Variants in NAV3 observed in about 807,000 individuals in gnomAD.
The protein encoded by NAV3 is pore membrane and/or filament interacting like protein 1.
NAV3 carries 87 observed loss-of-function variants against 244.7 expected under a neutral mutation model. That is an observed-to-expected ratio of 0.36 (90% CI 0.30 to 0.42). The LOEUF (loss-of-function observed/expected upper bound fraction) is 0.42. Ranked by LOEUF, NAV3 falls within the 20% of genes least tolerant of loss-of-function variation. The probability of loss-of-function intolerance (pLI) is 1.00; values close to 1 mark genes in which losing one functional copy is unlikely to be tolerated. For missense variants in NAV3, 2,663 were observed against 2,893.3 expected (o/e 0.92, Z 1.83); for synonymous variants, 1,126 against 1,042.2 (o/e 1.08, Z -1.55).
chr12:77,940,406 G>C lies in NAV3; in HGVS notation c.331G>C (p.Val111Leu), dbSNP rs2137471318. The change falls in exon 2 of 40, where the codon GTA (valine) becomes CTA (leucine). Residue 111 changes from valine (V) to leucine (L), a missense_variant. Physicochemically the swap from Val to Leu is conservative, Grantham distance 32 (BLOSUM62 1). Transcript: ENST00000397909. Reference protein sequence around the residue: ...KDLQQDIADGVLLAEIIQIIA... With the variant: ...KDLQQDIADGLLLAEIIQIIA... ...CTTGCAACAAGACATTGCAGATGGAGTACTCCTAGCAGAAATCATCCAGAT... is the reference window on the plus strand; with the variant it reads ...CTTGCAACAAGACATTGCAGATGGACTACTCCTAGCAGAAATCATCCAGAT... 6.2e-7 allele frequency: 1 copy of C among 1,613,632 alleles called. No individual in the cohort carries two copies. The highest frequency in any genetic ancestry group is 1.3e-5 in the African/African-American group (1 of 75,030).
At chr12:77,851,938 A>G (rs1877595973) in intron 1 of NAV3, among the ~76,000 whole-genome samples, 2 of 152,270 alleles carry the variant, frequency 1.3e-5, no homozygotes, top group Admixed American at 6.5e-5. Flanking sequence ...CGTTATCTTC[A>G]CTTTTTAGAT....
chr12:77,685,310 G>T (rs1874670738), intron 2 of NAV3, among the ~76,000 whole-genome samples: 2 of 152,128 alleles, frequency 1.3e-5, no homozygotes. Flanking sequence ...TTTGTGCAGT[G>T]AAACAAGTTT....
At chr12:78,103,755 TC>T (rs1207921623) in intron 12 of NAV3, among the ~76,000 whole-genome samples, 1 of 152,144 alleles carries the variant, frequency 6.6e-6, no homozygotes, top group Non-Finnish European at 1.5e-5. Context: ...GATAAAACCA[TC>T]GGACCTTGTA....
intron 1 of NAV3, among the ~76,000 whole-genome samples, chr12:77,841,124 A>C (rs1370987143): frequency 6.6e-5 from 10 of 152,180 alleles, no homozygotes. Flanking sequence ...AATTGGTTAC[A>C]TGGAGGACCT....
chr12:77,994,714 A>G, intron 5 of NAV3, 89 bp from the exon 6 acceptor site: 1 of 999,736 alleles, frequency 1.0e-6, no homozygotes, highest in South Asian at 1.4e-5. Flanking sequence ...ATTGCATTTC[A>G]TTAATTCATA....
chr12:77,654,961 A>C (rs984110494), intron 2 of NAV3, among the ~76,000 whole-genome samples: 2 of 152,080 alleles, frequency 1.3e-5, no homozygotes, highest in African/African-American at 4.8e-5. Context: ...CCATCTGTAC[A>C]TCACCATCAT....
At chr12:77,873,442 A>G (rs1198277515) in intron 1 of NAV3, among the ~76,000 whole-genome samples, 1 of 151,802 alleles carries the variant, frequency 6.6e-6, no homozygotes, top group East Asian at 1.9e-4. Flanking sequence ...ATATTTTTCT[A>G]TGTCCACATA....
intron 5 of NAV3, among the ~76,000 whole-genome samples, chr12:77,983,931 A>G (rs1477795037): frequency 6.6e-6 from 1 of 152,214 alleles, no homozygotes; most frequent in Non-Finnish European, 1.5e-5. Context: ...ATATTAAATT[A>G]ACTATATTGA....
intron 3 of NAV3, chr12:77,950,491 C>T (rs1362235090): frequency 6.6e-6 from 1 of 152,052 alleles, no homozygotes; most frequent in Non-Finnish European, 1.5e-5. Context: ...GTCTTTGACC[C>T]CAGTTTTAAA....
At chr12:77,883,358 G>C (rs368883529) in intron 1 of NAV3, among the ~76,000 whole-genome samples, 1 of 151,996 alleles carries the variant, frequency 6.6e-6, no homozygotes, top group African/African-American at 2.4e-5. Context: ...AGCAAATACC[G>C]CATGTTCTCT....
chr12:77,910,268 G>A (rs1250338174), intron 1 of NAV3, among the ~76,000 whole-genome samples: 2 of 152,074 alleles, frequency 1.3e-5, no homozygotes, highest in African/African-American at 4.8e-5. Context: ...ATGGTGGAAG[G>A]TGAAGGGGGA....
At position 77,863,005 on chromosome 12, in the gene NAV3, C is replaced by A. The variant is rs142177323; in HGVS notation, c.243+31301C>A. ...AACACTGCTAGTTACATTCTGAGTT[C>A]CCATTCTTCTTGGTTAATAAAAACT... On this transcript the variant is annotated intron_variant, in intron 1 of 39. Transcript: ENST00000397909. 8.8e-3 allele frequency among the ~76,000 whole-genome samples: 1,338 copies of A among 151,514 alleles called. 16 individuals are homozygous for A. Among genetic ancestry groups the A allele is most frequent in the African/African-American group, 0.031 (1,269 of 41,406 alleles).
intron 5 of NAV3, among the ~76,000 whole-genome samples, chr12:77,973,021 T>G (rs17044649): frequency 0.32 from 48,132 of 152,042 alleles, 7,854 homozygotes; most frequent in African/African-American, 0.38. Flanking sequence ...TTAATTTTTC[T>G]TATGTACTGA....
rs554794839 is a variant in NAV3 at position 77,975,651 on chromosome 12, T to C, written c.671+6949T>C. 9.9e-5 allele frequency among the ~76,000 whole-genome samples: 15 copies of C among 152,266 alleles called. No individual in the cohort carries two copies. The South Asian group carries it at 3.1e-3, about 32-fold the overall frequency. ...ACCTTGAATTAAGAGCCTGTCTGCT[T>C]CTCTTCAAGAAGAGAAAACATCTAT... On this transcript the variant is annotated intron_variant, in intron 5 of 39. Transcript: ENST00000397909.
At chr12:77,850,265 A>G (rs1877312542) in intron 1 of NAV3, among the ~76,000 whole-genome samples, 1 of 152,160 alleles carries the variant, frequency 6.6e-6, no homozygotes, top group African/African-American at 2.4e-5. Context: ...TCCTCTGTTC[A>G]ATAACAATAT....
At chr12:77,996,292 A>C (rs1390032745) in intron 6 of NAV3, among the ~76,000 whole-genome samples, 1 of 152,198 alleles carries the variant, frequency 6.6e-6, no homozygotes, top group Non-Finnish European at 1.5e-5. Context: ...TTCCTTCAAC[A>C]GAGTGCAATC....
At chr12:77,638,401 T>G (rs1291613180) in intron 2 of NAV3, among the ~76,000 whole-genome samples, 2 of 152,240 alleles carry the variant, frequency 1.3e-5, no homozygotes, top group Non-Finnish European at 2.9e-5. Flanking sequence ...GTGCTTATTG[T>G]CAGTTTACTA....
At chr12:78,057,708 T>A (rs780654884) in intron 11 of NAV3, among the ~76,000 whole-genome samples, 2 of 152,202 alleles carry the variant, frequency 1.3e-5, no homozygotes, top group Non-Finnish European at 2.9e-5. Context: ...CATTGCTGTT[T>A]CCATTTTACA....
chr12:77,914,931 G>A lies in NAV3; in HGVS notation c.244-25388G>A, dbSNP rs554101687. ...TATTTACAAAATCAGTTATTTAAAT[G>A]GTTTTAAAAAATCCAAGCCAAATGC... On this transcript the variant is annotated intron_variant, in intron 1 of 39. Coordinates refer to ENST00000397909, the MANE Select transcript of NAV3 (RefSeq NM_001024383.2). 4.0e-5 allele frequency among the ~76,000 whole-genome samples: 6 copies of A among 150,468 alleles called. No homozygotes were observed. The East Asian group carries it at 1.2e-3, about 30-fold the overall frequency.
Sources: gnomAD v4.1 joint callset for allele counts (sites outside exome capture counted in the v4.1 genomes callset) on GRCh38, gnomAD v4.1.1 for gene constraint, MANE v1.5 for transcripts, NCBI Gene and HGNC (gene_info 2026-07-23, HGNC 2026-07-21) for gene names.